CTNNA3: variants seen among roughly 807,000 people sequenced by gnomAD.
CTNNA3 encodes the protein catenin alpha 3.
In CTNNA3, 76 loss-of-function variants were observed where a neutral mutation model predicts 95.7. That is an observed-to-expected ratio of 0.79 (90% CI 0.66 to 0.96). CTNNA3 has a LOEUF of 0.96. Ranked by LOEUF, CTNNA3 falls within the 40% of genes least tolerant of loss-of-function variation. CTNNA3 has a pLI of 0.00. For missense variants in CTNNA3, 1,191 were observed against 1,089.8 expected (o/e 1.09, Z -1.31); for synonymous variants, 431 against 374.4 (o/e 1.15, Z -1.74).
chr10:67,122,672 A>C (rs1859529706), intron 7 of CTNNA3, among the ~76,000 whole-genome samples: 1 of 152,138 alleles, frequency 6.6e-6, no homozygotes, highest in Non-Finnish European at 1.5e-5. Context: ...ATTTGTTTCC[A>C]GATTTAAAAA....
chr10:65,928,461 T>C (rs1454594588), intron 17 of CTNNA3, among the ~76,000 whole-genome samples: 1 of 152,188 alleles, frequency 6.6e-6, no homozygotes, highest in Non-Finnish European at 1.5e-5. Flanking sequence ...TCATTTAACA[T>C]TAGATTCATC....
intron 7 of CTNNA3, among the ~76,000 whole-genome samples, chr10:67,067,717 A>C (rs1217636068): frequency 6.6e-6 from 1 of 152,228 alleles, no homozygotes; most frequent in Non-Finnish European, 1.5e-5. Flanking sequence ...ATAGATTCAG[A>C]CTAAGCTCAA....
intron 6 of CTNNA3, among the ~76,000 whole-genome samples, chr10:67,192,371 T>C (rs1414370552): frequency 2.6e-5 from 4 of 151,822 alleles, no homozygotes; most frequent in East Asian, 3.9e-4. Context: ...GGAGTTAATA[T>C]CTAAAATATA....
chr10:66,301,172 A>T (rs1459980428), intron 12 of CTNNA3, among the ~76,000 whole-genome samples: 1 of 152,070 alleles, frequency 6.6e-6, no homozygotes, highest in Non-Finnish European at 1.5e-5. Flanking sequence ...AGGAGATTGG[A>T]TCAATAATTA....
intron 13 of CTNNA3, among the ~76,000 whole-genome samples, chr10:66,171,200 TA>T (rs548483486): frequency 7.4e-4 from 112 of 152,068 alleles, no homozygotes; most frequent in African/African-American, 2.6e-3. Flanking sequence ...TAAGTCCTTG[TA>T]AAGTTTGTAA....
chr10:66,402,937 G>A lies in CTNNA3; in HGVS notation c.1532-23585C>T, dbSNP rs548694452. ...TATTTGTTCCAAGTTTTTTCCCGAG[G>A]GCCTTGGAGAAAGTCACTCCCCCTA... On this transcript the variant is annotated intron_variant, in intron 11 of 17. Transcript: ENST00000433211. 2.6e-5 allele frequency among the ~76,000 whole-genome samples: 4 copies of A among 152,064 alleles called. No homozygotes were observed. The South Asian group carries it at 8.3e-4, about 32-fold the overall frequency.
chr10:66,891,486 A>G (rs1225923552), intron 7 of CTNNA3, among the ~76,000 whole-genome samples: 1 of 152,182 alleles, frequency 6.6e-6, no homozygotes, highest in Non-Finnish European at 1.5e-5. Context: ...TTTTAATCAC[A>G]TTCTGAAAAA....
At chr10:66,825,270 CAT>C (rs201752040) in intron 7 of CTNNA3, among the ~76,000 whole-genome samples, 4 of 141,118 alleles carry the variant, frequency 2.8e-5, no homozygotes, top group Non-Finnish European at 4.6e-5. Context: ...TGTATATATA[CAT>C]ATATATATAT....
At chr10:66,094,280 G>T (rs1032039719) in intron 14 of CTNNA3, among the ~76,000 whole-genome samples, 1 of 151,976 alleles carries the variant, frequency 6.6e-6, no homozygotes, top group African/African-American at 2.4e-5. Context: ...AAGAGAAACC[G>T]GCAAAATATA....
At chr10:66,440,222 A>G in intron 11 of CTNNA3, among the ~76,000 whole-genome samples, 1 of 152,204 alleles carries the variant, frequency 6.6e-6, no homozygotes, top group East Asian at 1.9e-4. Flanking sequence ...AGGAAAAATG[A>G]TATCTTTGTA....
At chr10:67,117,754 G>A (rs748368218) in intron 7 of CTNNA3, among the ~76,000 whole-genome samples, 14 of 151,980 alleles carry the variant, frequency 9.2e-5, no homozygotes, top group Non-Finnish European at 5.9e-5. Flanking sequence ...AAAAAAGTTT[G>A]ATAGTAAAAT....
At chr10:66,739,686 A>C (rs1272052831) in intron 9 of CTNNA3, among the ~76,000 whole-genome samples, 2 of 152,206 alleles carry the variant, frequency 1.3e-5, no homozygotes, top group Non-Finnish European at 2.9e-5. Flanking sequence ...TACATTGTTA[A>C]GACTAATTTG....
intron 9 of CTNNA3, among the ~76,000 whole-genome samples, chr10:66,759,253 T>C (rs1254750381): frequency 6.6e-6 from 1 of 152,196 alleles, no homozygotes; most frequent in African/African-American, 2.4e-5. Context: ...GTCCACACTG[T>C]GTGGCATTTG....
intron 13 of CTNNA3, among the ~76,000 whole-genome samples, chr10:66,195,307 C>T (rs955937352): frequency 4.6e-5 from 7 of 151,994 alleles, no homozygotes; most frequent in African/African-American, 1.5e-4. Context: ...ATCTAAAATG[C>T]AATCTTACAG....
intron 5 of CTNNA3, among the ~76,000 whole-genome samples, chr10:67,424,220 T>C (rs576354607): frequency 5.6e-4 from 85 of 152,246 alleles, no homozygotes; most frequent in African/African-American, 2.0e-3. Flanking sequence ...TGTTGACATT[T>C]ATCACCAAGC....
At chr10:66,659,124 T>A (rs1846167728) in intron 9 of CTNNA3, among the ~76,000 whole-genome samples, 1 of 151,308 alleles carries the variant, frequency 6.6e-6, no homozygotes, top group Non-Finnish European at 1.5e-5. Context: ...AACAAGAAAA[T>A]TTTCCATACC....
chr10:67,315,450 A>G (rs957308141), intron 5 of CTNNA3, among the ~76,000 whole-genome samples: 1 of 152,162 alleles, frequency 6.6e-6, no homozygotes, highest in Non-Finnish European at 1.5e-5. Flanking sequence ...AGAATTTTAT[A>G]TTCAGCAAAG....
intron 7 of CTNNA3, among the ~76,000 whole-genome samples, chr10:67,121,952 A>G (rs1859484419): frequency 7.3e-6 from 1 of 136,802 alleles, no homozygotes; most frequent in South Asian, 2.5e-4. Context: ...TTAATTGTGT[A>G]GCACGCTCTT....
At chr10:66,346,244 TATAGAGAGAGAGAGAGAGAG>T (rs1363571948) in intron 12 of CTNNA3, among the ~76,000 whole-genome samples, 1 of 9,034 alleles carries the variant, frequency 1.1e-4, no homozygotes, top group East Asian at 7.2e-3. Context: ...TATATATATA[TATAGAGAGAGAGAGAGAGAG>T]AGAGAGAGAG....
Sources: gnomAD v4.1 joint callset for allele counts (sites outside exome capture counted in the v4.1 genomes callset) on GRCh38, gnomAD v4.1.1 for gene constraint, MANE v1.5 for transcripts, NCBI Gene and HGNC (gene_info 2026-07-23, HGNC 2026-07-21) for gene names.